The following WDFY4 variants were observed in gnomAD, a reference collection of about 807,000 sequenced individuals.
The protein encoded by WDFY4 is WD repeat- and FYVE domain-containing protein 4.
WDFY4 carries 169 observed loss-of-function variants against 351.9 expected under a neutral mutation model. The ratio of observed to expected loss-of-function variants is 0.48; its 90% confidence interval spans 0.42 to 0.55. The LOEUF (loss-of-function observed/expected upper bound fraction) is 0.55. Ranked by LOEUF, WDFY4 falls within the 20% of genes least tolerant of loss-of-function variation. WDFY4 has a pLI of 0.00. For synonymous variants in WDFY4, 1,622 were observed against 1,574.6 expected (o/e 1.03, Z -0.71); for missense variants, 3,803 against 3,935.6 (o/e 0.97, Z 0.90).
intron 43 of WDFY4, among the ~76,000 whole-genome samples, chr10:48,885,559 G>A (rs1483020160): frequency 1.3e-5 from 2 of 152,362 alleles, no homozygotes; most frequent in Middle Eastern, 3.4e-3. Context: ...GTCTGTGGAA[G>A]TGACACATGC....
At position 48,817,325 on chromosome 10, in the gene WDFY4, C is replaced by T; in HGVS notation, c.5421C>T (p.Arg1807=). Reference sequence around the variant, plus strand: ...TGCAGTTCCTCAGCCTCGTCCACCGCACCTACCCCCAGGACCCAGCGTGGC... The same window carrying T: ...TGCAGTTCCTCAGCCTCGTCCACCGTACCTACCCCCAGGACCCAGCGTGGC... ...SVLQFLSLVH[R]TYPQDPAWRA... is the part of the protein sequence containing the mutation. Residue 1807 remains arginine, a synonymous_variant, in exon 32 of 62, where the codon CGC becomes CGT. Transcript: ENST00000325239. 6.4e-7 allele frequency: 1 copy of T among 1,551,692 alleles called. No homozygotes were observed. Among genetic ancestry groups the T allele is most frequent in the Non-Finnish European group, 8.7e-7 (1 of 1,146,964 alleles).
At chr10:48,899,496 C>T (rs1211513141) in intron 45 of WDFY4, among the ~76,000 whole-genome samples, 1 of 152,100 alleles carries the variant, frequency 6.6e-6, no homozygotes, top group Non-Finnish European at 1.5e-5. Flanking sequence ...CCATCCTTCC[C>T]TCCATGTACA....
intron 24 of WDFY4, among the ~76,000 whole-genome samples, chr10:48,800,730 C>CTTT (rs57288777): frequency 0.029 from 2,713 of 92,392 alleles, 69 homozygotes; most frequent in Middle Eastern, 0.042. Context: ...TTCATTCTTT[C>CTTT]TTTTTTTTTT....
chr10:48,873,692 C>A lies in WDFY4; in HGVS notation c.6943C>A (p.His2315Asn). 1 of 1,551,710 alleles carries A rather than the reference C, an allele frequency of 6.4e-7. No homozygotes were observed. Among genetic ancestry groups the A allele is most frequent in the Non-Finnish European group, 8.7e-7 (1 of 1,146,998 alleles). ...TTTGGAGGCCCTGAGCTCAGGAAGG[C>A]ACAAGGTAGGAGTCAGGCGCAGTGG... ...SPLEALSSGR[H>N]KESQDKNDHI... Residue 2315 changes from histidine (H) to asparagine (N), a missense_variant, in exon 41 of 62, where the codon CAC (histidine) becomes AAC (asparagine). This residue lies in a region of WDFY4 where 3,054 missense variants were observed against 3,148.6 expected (regional missense o/e 0.97). Coordinates refer to ENST00000325239, the MANE Select transcript of WDFY4 (RefSeq NM_001394531.1).
chr10:48,776,857 G>A lies in WDFY4; in HGVS notation c.2971G>A (p.Asp991Asn). 6.4e-7 allele frequency: 1 copy of A among 1,551,818 alleles called. No individual in the cohort carries two copies. Among genetic ancestry groups the A allele is most frequent in the Non-Finnish European group, 8.7e-7 (1 of 1,147,020 alleles). Residue 991 changes from aspartate to asparagine, a missense_variant, in exon 16 of 62, where the codon GAT becomes AAT. Coordinates refer to ENST00000325239, the MANE Select transcript of WDFY4 (RefSeq NM_001394531.1). ...CCCGCAGCCCTTGGGGGAATCCCAG[G>A]ATTCAACTACTGCTCTTCAGACGGC... ...QAPQPLGESQ[D>N]STTALQTALS...
chr10:48,960,987 T>C (rs1841834666), intron 53 of WDFY4, among the ~76,000 whole-genome samples: 1 of 152,222 alleles, frequency 6.6e-6, no homozygotes, highest in Non-Finnish European at 1.5e-5. Flanking sequence ...ACGTTCTATG[T>C]CTTGACTGTG....
At chr10:48,729,002 C>T (rs2064364187) in intron 7 of WDFY4, among the ~76,000 whole-genome samples, 1 of 152,328 alleles carries the variant, frequency 6.6e-6, no homozygotes, top group South Asian at 2.1e-4. Flanking sequence ...GACAGCCTAC[C>T]TGCCCATAAT....
At chr10:48,854,902 G>T (rs931075093) in intron 39 of WDFY4, among the ~76,000 whole-genome samples, 2 of 152,134 alleles carry the variant, frequency 1.3e-5, no homozygotes, top group African/African-American at 4.8e-5. Flanking sequence ...TATCTCCAAA[G>T]TACCATAATA....
At chr10:48,687,282 T>C (rs555927423) in intron 1 of WDFY4, among the ~76,000 whole-genome samples, 1 of 152,292 alleles carries the variant, frequency 6.6e-6, no homozygotes, top group South Asian at 2.1e-4. Context: ...ATATAACAAA[T>C]ATTTTTCATT....
chr10:48,865,481 G>A (rs1426090009), intron 39 of WDFY4, among the ~76,000 whole-genome samples: 1 of 151,996 alleles, frequency 6.6e-6, no homozygotes, highest in Non-Finnish European at 1.5e-5. Flanking sequence ...ATTTTGTTGG[G>A]GATTTCTACA....
chr10:48,897,722 T>A, intron 45 of WDFY4, 148 bp downstream of exon 45: 1 of 1,303,468 alleles, frequency 7.7e-7, no homozygotes, highest in Non-Finnish European at 1.0e-6. Flanking sequence ...ACCCGCAAGT[T>A]CCCTGGGCTT....
chr10:48,850,717 C>T (rs1477972532), intron 39 of WDFY4, among the ~76,000 whole-genome samples: 1 of 152,202 alleles, frequency 6.6e-6, no homozygotes, highest in Non-Finnish European at 1.5e-5. Flanking sequence ...CTTATTCTCA[C>T]TCAGCGACAC....
intron 48 of WDFY4, among the ~76,000 whole-genome samples, chr10:48,942,181 T>G (rs1589962422): frequency 6.6e-6 from 1 of 152,134 alleles, no homozygotes; most frequent in South Asian, 2.1e-4. Flanking sequence ...GCCAGGCTGG[T>G]CTTGAACTCC....
In WDFY4 at chr10:48,786,717, G is replaced by T; in HGVS notation, c.3655G>T (p.Ala1219Ser). ...SAFVDVYGYI[A>S]TPRVWKQKSS... ...ATTTGTGGATGTTTATGGATATATT[G>T]CTACTCCTCGAGTCTGGAAACAAAA... The change falls in exon 20 of 62, where the codon GCT becomes TCT. Residue 1219 changes from alanine (A) to serine (S), a missense_variant. Physicochemically the swap from Ala to Ser is moderately conservative, Grantham distance 99. Around this residue, in one of 3 missense-constraint regions of WDFY4, gnomAD observed 3,054 missense variants for 3,148.6 expected, o/e 0.97. Transcript: ENST00000325239. 1 of 1,552,202 alleles carries T rather than the reference G, an allele frequency of 6.4e-7. No individual in the cohort carries two copies. The highest frequency in any genetic ancestry group is 1.2e-5 in the South Asian group (1 of 84,054).
chr10:48,749,426 C>T (rs2065113127), intron 12 of WDFY4, among the ~76,000 whole-genome samples: 2 of 149,514 alleles, frequency 1.3e-5, no homozygotes, highest in Admixed American at 6.6e-5. Flanking sequence ...ACTGCACTTA[C>T]ACACCACACA....
intron 47 of WDFY4, among the ~76,000 whole-genome samples, chr10:48,938,805 G>A (rs954840762): frequency 5.3e-5 from 8 of 152,192 alleles, no homozygotes; most frequent in South Asian, 2.1e-4. Flanking sequence ...AACTACCCAC[G>A]ACGTCCTGAT....
At chr10:48,687,611 CTT>C (rs57413418) in intron 1 of WDFY4, among the ~76,000 whole-genome samples, 2,466 of 101,210 alleles carry the variant, frequency 0.024, 25 homozygotes, top group African/African-American at 0.067. Context: ...ATAGGCCATT[CTT>C]TTTTTTTTTT....
intron 39 of WDFY4, among the ~76,000 whole-genome samples, chr10:48,855,392 T>C (rs1381858803): frequency 6.6e-6 from 1 of 152,128 alleles, no homozygotes; most frequent in Non-Finnish European, 1.5e-5. Context: ...TATTAAATTT[T>C]ATATAAATGA....
rs529243850 is a variant in WDFY4 at position 48,790,987 on chromosome 10, C to T, written c.4257+70C>T. 109 of 1,512,836 alleles carry T rather than the reference C, an allele frequency of 7.2e-5. No individual in the cohort carries two copies. The East Asian group carries it at 1.7e-3, about 23-fold the overall frequency. 93.7% of individuals were successfully genotyped at this position (1,512,836 alleles called of 1,614,324 possible). The stretch of plus-strand genomic sequence containing the variant: ...GTCATCCCTGGGAAACAGGGACAAG[C>T]GTTGCTTGCCTCAGTTGCATTCCCT... On this transcript the variant is annotated intron_variant, in intron 23 of 61. Coordinates refer to ENST00000325239, the MANE Select transcript of WDFY4 (RefSeq NM_001394531.1).
Sources: allele counts gnomAD v4.1 joint callset (sites outside exome capture counted in the v4.1 genomes callset), GRCh38; gene constraint gnomAD v4.1.1; regional missense constraint gnomAD v4.1.1; transcripts MANE v1.5; gene names NCBI Gene and HGNC (gene_info 2026-07-23, HGNC 2026-07-21).